The following HEPN1 variants were observed in gnomAD, a reference collection of about 807,000 sequenced individuals.
The protein encoded by HEPN1 is hepatocellular carcinoma, down-regulated 1.
For missense variants in HEPN1, 97 were observed against 103.3 expected, an observed-to-expected ratio of 0.94 and a Z score of 0.26; for synonymous variants, 46 against 41.2, an observed-to-expected ratio of 1.12 and a Z score of -0.45.
At chr11:124,919,550 C>A in exon 1 of HEPN1, 1 of 603,712 alleles carries the variant, frequency 1.7e-6, no homozygotes, top group South Asian at 2.1e-5. Context: ...AACTTTTCCC[C>A]TACATGCATT....
exon 1 of HEPN1, chr11:124,919,715 T>G (rs753481117): frequency 7.9e-5 from 127 of 1,607,254 alleles, no homozygotes; most frequent in Non-Finnish European, 1.1e-4. Flanking sequence ...TCAGTGCCTT[T>G]GGGGCTGAGA....
exon 1 of HEPN1, chr11:124,920,147 C>G (rs1156529173): frequency 2.8e-6 from 3 of 1,067,304 alleles, no homozygotes; most frequent in Non-Finnish European, 4.1e-6. Context: ...TCCTCCTCCC[C>G]CCACCATTTC....
At chr11:124,920,585 C>CA (rs1308473218) in exon 1 of HEPN1, 1 of 1,230,520 alleles carries the variant, frequency 8.1e-7, no homozygotes, top group Non-Finnish European at 1.0e-6. Flanking sequence ...CAGCTCAGAA[C>CA]AGCCCCTGCA....
At chr11:124,920,092 A>G in exon 1 of HEPN1, 3 of 1,505,942 alleles carry the variant, frequency 2.0e-6, no homozygotes, top group South Asian at 1.3e-5. Flanking sequence ...GCAGGAGGCC[A>G]GGGGTTGGAT....
exon 1 of HEPN1, chr11:124,919,818 T>G (rs753356212): frequency 1.2e-6 from 2 of 1,614,110 alleles, no homozygotes; most frequent in Non-Finnish European, 1.7e-6. Flanking sequence ...TTTAGGAGAC[T>G]AGGGATGCAA....
chr11:124,919,664 C>G (rs568541376), exon 1 of HEPN1: 1 of 1,451,982 alleles, frequency 6.9e-7, no homozygotes, highest in African/African-American at 1.4e-5. Flanking sequence ...CTGAGACAGG[C>G]ATGCTGTGGG....
downstream of HEPN1, chr11:124,920,677 G>GA (rs1565336612): frequency 1.9e-3 from 210 of 108,090 alleles, 1 homozygote; most frequent in South Asian, 4.2e-3. Flanking sequence ...ATCTGAACTT[G>GA]CAAAAAAAAA....
chr11:124,920,002 T>C, exon 1 of HEPN1: 1 of 1,612,918 alleles, frequency 6.2e-7, no homozygotes, highest in Non-Finnish European at 8.5e-7. Context: ...GCCTCTTTAT[T>C]TTGATGTTAG....
Position 124,919,573 on chromosome 11 carries a change from A to G in HEPN1, c.-178A>G. On this transcript the variant is annotated 5_prime_UTR_variant, in exon 1 of 1. An upstream start codon of the reference 5' UTR is lost. Transcript: ENST00000408930. ...CCCTACATGCATTATCTCATTATGG[A>G]TGAGGCACCTGGGAAGTTTAGGGGA... is the stretch of plus-strand genomic sequence containing the variant. The G allele has an allele frequency of 1.6e-6, 1 of 642,218 alleles. No homozygotes were observed. The highest frequency in any genetic ancestry group is 2.0e-5 in the South Asian group (1 of 50,026). 39.8% of individuals were successfully genotyped at this position (642,218 alleles called of 1,614,324 possible).
chr11:124,920,358 A>G (rs1292586127), exon 1 of HEPN1: 4 of 1,521,680 alleles, frequency 2.6e-6, no homozygotes, highest in South Asian at 1.2e-5. Context: ...AAGCCCATCC[A>G]TCTCTTTTAT....
At chr11:124,920,012 G>A (rs771126718) in exon 1 of HEPN1, 71 of 1,612,360 alleles carry the variant, frequency 4.4e-5, no homozygotes, top group Non-Finnish European at 5.6e-5. Flanking sequence ...TTTGATGTTA[G>A]TGTGATTAGG....
Position 124,919,807 on chromosome 11 carries a change from G to A in HEPN1, c.57G>A (p.Glu19=), listed in dbSNP as rs761108320. Residue 19 remains glutamate, a synonymous_variant, in exon 1 of 1, where the codon GAG becomes GAA. Transcript: ENST00000408930. The stretch of plus-strand genomic sequence containing the variant: ...GGGTTGATGGCGAATCAGAGCTGGA[G>A]TTTAGGAGACTAGGGATGCAAGGAC... 5 of 1,614,194 alleles carry A rather than the reference G, an allele frequency of 3.1e-6. No homozygotes were observed. The Admixed American group carries it at 6.7e-5, about 22-fold the overall frequency.
rs996212678 is a variant in HEPN1, at chr11:124,920,175, A to G, written c.*158A>G. 4.3e-6 allele frequency: 4 copies of G among 935,998 alleles called. No individual in the cohort carries two copies. The African/African-American group carries it at 6.6e-5, about 16-fold the overall frequency. 58.0% of individuals were successfully genotyped at this position (935,998 alleles called of 1,614,324 possible). ...ACCATTTCTCTGGAGATTAGGACTTATTCTCACAGCTGGAGGAAGCTCAAC... is the reference window on the plus strand; with the variant it reads ...ACCATTTCTCTGGAGATTAGGACTTGTTCTCACAGCTGGAGGAAGCTCAAC... On this transcript the variant is annotated 3_prime_UTR_variant, in exon 1 of 1. Transcript: ENST00000408930.
At chr11:124,920,677 G>GAAAAA (rs1565336612), downstream of HEPN1, 52 of 108,148 alleles carry the variant, frequency 4.8e-4, 1 homozygote, top group African/African-American at 6.0e-3. Context: ...ATCTGAACTT[G>GAAAAA]CAAAAAAAAA....
chr11:124,920,401 G>A (rs1326476997), exon 1 of HEPN1: 4 of 1,548,394 alleles, frequency 2.6e-6, no homozygotes, highest in Non-Finnish European at 3.5e-6. Flanking sequence ...TGCTTGGCAT[G>A]GCATGCCTCC....
chr11:124,919,498 A>G, exon 1 of HEPN1: 1 of 537,626 alleles, frequency 1.9e-6, no homozygotes, highest in Non-Finnish European at 3.3e-6. Context: ...ACCAGCAGGT[A>G]CTCCTTATCC....
At chr11:124,919,833 C>T (rs750107338) in exon 1 of HEPN1, 2 of 1,613,978 alleles carry the variant, frequency 1.2e-6, no homozygotes, top group Non-Finnish European at 1.7e-6. Flanking sequence ...ATGCAAGGAC[C>T]CTTGGAGGCA....
chr11:124,920,517 C>T, exon 1 of HEPN1: 3 of 1,449,750 alleles, frequency 2.1e-6, no homozygotes, highest in South Asian at 1.3e-5. Flanking sequence ...TCCCTCACCA[C>T]CTTGTAGGTC....
chr11:124,919,945 G>A, exon 1 of HEPN1: 1 of 1,613,912 alleles, frequency 6.2e-7, no homozygotes, highest in East Asian at 2.2e-5. Context: ...CCTATGAACT[G>A]TTCAATAGGC....
Sources: allele counts gnomAD v4.1 joint callset, GRCh38; gene constraint gnomAD v4.1.1; transcripts MANE v1.5; gene names NCBI Gene and HGNC (gene_info 2026-07-23, HGNC 2026-07-21).